The following ERC2 variants were observed in gnomAD, a reference collection of about 807,000 sequenced individuals.
The protein encoded by ERC2 is ERC protein 2.
Under a neutral mutation model 114.8 loss-of-function variants are expected in ERC2, and 42 were observed. That is an observed-to-expected ratio of 0.37 (90% CI 0.29 to 0.47). ERC2 has a LOEUF of 0.47. ERC2 is among the 20% of genes least tolerant of loss of function. The pLI is 0.99. For missense variants in ERC2, 939 were observed against 1,150.7 expected (o/e 0.82, Z 2.66); for synonymous variants, 454 against 425.5 (o/e 1.07, Z -0.82).
intron 14 of ERC2, among the ~76,000 whole-genome samples, chr3:55,847,905 C>G (rs1343448841): frequency 6.6e-6 from 1 of 152,014 alleles, no homozygotes; most frequent in East Asian, 2.0e-4. Flanking sequence ...CTCAAATGAT[C>G]CTCCTGCCTC....
intron 17 of ERC2, among the ~76,000 whole-genome samples, chr3:55,518,475 G>T (rs1260835144): frequency 1.3e-5 from 2 of 152,232 alleles, no homozygotes; most frequent in African/African-American, 4.8e-5. Flanking sequence ...TCCTGAGATA[G>T]CGAGACACCT....
At chr3:56,167,604 G>T (rs1435078836) in intron 4 of ERC2, among the ~76,000 whole-genome samples, 1 of 152,076 alleles carries the variant, frequency 6.6e-6, no homozygotes, top group African/African-American at 2.4e-5. Context: ...GGATAAAGGG[G>T]TTTGTTGTTG....
At chr3:55,534,232 A>T (rs2053848031) in intron 17 of ERC2, among the ~76,000 whole-genome samples, 1 of 152,182 alleles carries the variant, frequency 6.6e-6, no homozygotes, top group African/African-American at 2.4e-5. Context: ...CAGCCTGAGC[A>T]ACATAACAAG....
chr3:55,963,143 A>G (rs2068508727), intron 12 of ERC2, among the ~76,000 whole-genome samples: 1 of 152,258 alleles, frequency 6.6e-6, no homozygotes, highest in East Asian at 1.9e-4. Flanking sequence ...TCAGCTATGA[A>G]GCAGAACACA....
intron 17 of ERC2, among the ~76,000 whole-genome samples, chr3:55,655,593 A>G (rs2060821899): frequency 6.6e-6 from 1 of 152,290 alleles, no homozygotes; most frequent in Middle Eastern, 3.4e-3. Flanking sequence ...CCTCTAACCA[A>G]GCCTCCCTGG....
chr3:55,803,759 C>T (rs916842786), intron 14 of ERC2, among the ~76,000 whole-genome samples: 9 of 152,102 alleles, frequency 5.9e-5, no homozygotes, highest in Non-Finnish European at 1.0e-4. Context: ...ATTTTGAGAA[C>T]AGATGTTATG....
chr3:55,730,788 C>T (rs1440927796), intron 15 of ERC2, among the ~76,000 whole-genome samples: 1 of 152,178 alleles, frequency 6.6e-6, no homozygotes, highest in South Asian at 2.1e-4. Context: ...GAGGTAGTGG[C>T]CGAAGTGAGC....
intron 2 of ERC2, among the ~76,000 whole-genome samples, chr3:56,385,412 G>C (rs2059901384): frequency 6.6e-6 from 1 of 152,100 alleles, no homozygotes; most frequent in South Asian, 2.1e-4. Flanking sequence ...CCACATTGGT[G>C]GTGAGTGGAT....
intron 17 of ERC2, among the ~76,000 whole-genome samples, chr3:55,664,729 G>A (rs1309296532): frequency 2.6e-5 from 4 of 152,158 alleles, no homozygotes; most frequent in East Asian, 1.9e-4. Context: ...AGCTTCAGGC[G>A]AGGTTGTGGG....
intron 2 of ERC2, among the ~76,000 whole-genome samples, chr3:56,404,948 T>C (rs1409060709): frequency 1.3e-5 from 2 of 152,180 alleles, no homozygotes; most frequent in African/African-American, 4.8e-5. Context: ...GCATTTGTAC[T>C]GGTTTGATGG....
At chr3:56,061,340 T>C (rs531897851) in intron 7 of ERC2, among the ~76,000 whole-genome samples, 1 of 152,222 alleles carries the variant, frequency 6.6e-6, no homozygotes, top group Non-Finnish European at 1.5e-5. Flanking sequence ...TCTATTGACC[T>C]TGTAAGCATT....
Position 56,428,275 on chromosome 3 carries a change from C to A in ERC2, c.657+6076G>T, listed in dbSNP as rs537600942. On this transcript the variant is annotated intron_variant, in intron 2 of 17. Transcript: ENST00000288221. ...GTGGCTCACGCCTGTAATCCCAGGA[C>A]TTTTGGAGGCTGAGGCGGGCGGATC... 2.2e-3 allele frequency among the ~76,000 whole-genome samples: 342 copies of A among 152,244 alleles called. 1 individual carries two copies. Among genetic ancestry groups the A allele is most frequent in the African/African-American group, 8.0e-3 (333 of 41,562 alleles).
intron 17 of ERC2, among the ~76,000 whole-genome samples, chr3:55,620,604 T>C (rs999914167): frequency 1.3e-4 from 20 of 152,302 alleles, no homozygotes; most frequent in African/African-American, 3.4e-4. Context: ...CGCAGGTATA[T>C]GGTCTTGGAT....
At chr3:56,172,563 C>G (rs2101321) in intron 4 of ERC2, among the ~76,000 whole-genome samples, 1 of 152,110 alleles carries the variant, frequency 6.6e-6, no homozygotes, top group Non-Finnish European at 1.5e-5. Flanking sequence ...TGCAGGCCCA[C>G]GGTGACCAGC....
At chr3:55,575,820 C>T (rs891463134) in intron 17 of ERC2, among the ~76,000 whole-genome samples, 3 of 152,228 alleles carry the variant, frequency 2.0e-5, no homozygotes, top group African/African-American at 7.2e-5. Flanking sequence ...CAAACCCTGC[C>T]TGGGACTTTG....
intron 2 of ERC2, among the ~76,000 whole-genome samples, chr3:56,333,120 C>A (rs763641013): frequency 6.6e-6 from 1 of 152,182 alleles, no homozygotes; most frequent in African/African-American, 2.4e-5. Context: ...CTGGACACTA[C>A]GGCTAACTGT....
rs533379810 is a variant in ERC2, at chr3:55,765,489, G to A, written c.2565-30571C>T. On this transcript the variant is annotated intron_variant, in intron 14 of 17. Transcript: ENST00000288221. The stretch of plus-strand genomic sequence containing the variant: ...TTTCCCAGGGTCTAAGAGAGCTATT[G>A]TATTCCACCCAATGACGTAGCATGT... 2.6e-5 allele frequency among the ~76,000 whole-genome samples: 4 copies of A among 152,288 alleles called. No individual in the cohort carries two copies. In the South Asian group the frequency reaches 6.2e-4, roughly 24 times the overall value.
intron 6 of ERC2, among the ~76,000 whole-genome samples, chr3:56,093,599 G>A (rs959367047): frequency 5.3e-5 from 8 of 152,070 alleles, no homozygotes; most frequent in East Asian, 1.9e-4. Flanking sequence ...AAATTCATGC[G>A]TGGAAAACAC....
intron 2 of ERC2, among the ~76,000 whole-genome samples, chr3:56,296,997 T>C (rs184389901): frequency 1.4e-4 from 22 of 152,204 alleles, no homozygotes; most frequent in Admixed American, 1.3e-3. Context: ...AGGGAATAAA[T>C]GCAGGCACAG....
Sources: allele counts gnomAD v4.1 joint callset (sites outside exome capture counted in the v4.1 genomes callset), GRCh38; gene constraint gnomAD v4.1.1; transcripts MANE v1.5; gene names NCBI Gene and HGNC (gene_info 2026-07-23, HGNC 2026-07-21).